The following PLOD2 variants were observed in gnomAD, a reference collection of about 807,000 sequenced individuals.
The protein encoded by PLOD2 is lysine hydroxylase 2.
PLOD2 carries 65 observed loss-of-function variants against 101.0 expected under a neutral mutation model. That is an observed-to-expected ratio of 0.64 (90% confidence interval 0.53 to 0.79). The LOEUF is 0.79. Ranked by LOEUF, PLOD2 falls within the 30% of genes least tolerant of loss-of-function variation. The pLI, the probability that PLOD2 is intolerant of heterozygous loss-of-function variation, is 0.00. For synonymous variants in PLOD2, 314 were observed against 302.9 expected (o/e 1.04, Z -0.38); for missense variants, 909 against 914.6 (o/e 0.99, Z 0.08).
chr3:146,147,162 G>T (rs933871800), intron 1 of PLOD2, among the ~76,000 whole-genome samples: 3 of 152,158 alleles, frequency 2.0e-5, no homozygotes, highest in African/African-American at 7.2e-5. Flanking sequence ...TTATATATTT[G>T]CAGAGAATAC....
intron 12 of PLOD2, among the ~76,000 whole-genome samples, chr3:146,079,501 G>T (rs906429926): frequency 1.3e-5 from 2 of 151,806 alleles, no homozygotes; most frequent in Non-Finnish European, 2.9e-5. Context: ...TATCTGTTTG[G>T]CATTTGTATT....
chr3:146,084,458 T>C (rs1936686721), intron 11 of PLOD2, among the ~76,000 whole-genome samples: 1 of 152,070 alleles, frequency 6.6e-6, no homozygotes, highest in South Asian at 2.1e-4. Context: ...ATAAAAACAA[T>C]CATTCTAACA....
At chr3:146,071,910 C>T (rs574007729) in intron 17 of PLOD2, among the ~76,000 whole-genome samples, 28 of 151,750 alleles carry the variant, frequency 1.8e-4, no homozygotes, top group African/African-American at 6.7e-4. Flanking sequence ...TCATCACCCA[C>T]TAACTTAAGT....
intron 7 of PLOD2, among the ~76,000 whole-genome samples, chr3:146,094,104 T>G (rs1483001909): frequency 6.6e-6 from 1 of 152,176 alleles, no homozygotes; most frequent in African/African-American, 2.4e-5. Context: ...GTTAGGCTGC[T>G]CTGGGCACTC....
At chr3:146,138,612 G>C (rs1228302121) in intron 1 of PLOD2, among the ~76,000 whole-genome samples, 2 of 152,122 alleles carry the variant, frequency 1.3e-5, no homozygotes, top group African/African-American at 2.4e-5. Context: ...AGGACAGCAG[G>C]CATCCAGAAT....
At chr3:146,148,334 G>GCAGGCACACACACACA (rs111340998) in intron 1 of PLOD2, among the ~76,000 whole-genome samples, 22 of 25,536 alleles carry the variant, frequency 8.6e-4, no homozygotes, top group African/African-American at 2.2e-3. Flanking sequence ...AGGCAGGCAG[G>GCAGGCACACACACACA]CACGCACACA....
rs1390837514 is a variant in PLOD2 at position 146,120,128 on chromosome 3, C to T, written c.338+984G>A. Among the ~76,000 whole-genome samples the T allele has an allele frequency of 1.3e-4, 19 of 151,830 alleles. No homozygotes were observed. The East Asian group carries it at 2.1e-3, about 17-fold the overall frequency. On this transcript the variant is annotated intron_variant, in intron 3 of 19. Coordinates refer to ENST00000282903, the MANE Select transcript of PLOD2 (RefSeq NM_182943.3). ...TGTTGTTTCCTGATTTTTTAATGAT[C>T]GCCATTCTAACTCGTGTGAGATGGT...
intron 11 of PLOD2, among the ~76,000 whole-genome samples, chr3:146,082,396 T>C (rs1249419868): frequency 6.6e-6 from 1 of 152,214 alleles, no homozygotes; most frequent in Non-Finnish European, 1.5e-5. Context: ...TACTTAAGTA[T>C]GTTTCCAGTT....
chr3:146,155,664 G>A (rs576406967), intron 1 of PLOD2, among the ~76,000 whole-genome samples: 2 of 146,324 alleles, frequency 1.4e-5, no homozygotes, highest in South Asian at 4.3e-4. Flanking sequence ...GCAGTGAGCC[G>A]AGATCACGCC....
At chr3:146,156,436 G>C (rs560877042) in intron 1 of PLOD2, among the ~76,000 whole-genome samples, 3 of 152,346 alleles carry the variant, frequency 2.0e-5, no homozygotes, top group Admixed American at 2.0e-4. Flanking sequence ...GTAAACAAAT[G>C]AATGTGGCTG....
At position 146,085,263 on chromosome 3, in the gene PLOD2, G is replaced by C; in HGVS notation, c.1138C>G (p.Arg380Gly). Residue 380 changes from arginine (R) to glycine (G), a missense_variant, in exon 11 of 20, where the codon CGT (arginine) becomes GGT (glycine). By Grantham distance (125) the Arg-to-Gly change is moderately radical. Coordinates refer to ENST00000282903, the MANE Select transcript of PLOD2 (RefSeq NM_182943.3). ...TAATAATCACACTTTTCATCCTGAC[G>C]GCAAAAGTCCCTAACAGTGAAAAAG... Reference protein sequence around the residue: ...EARNMGMDFCRQDEKCDYYFS... With the variant: ...EARNMGMDFCGQDEKCDYYFS... 6.3e-7 allele frequency: 1 copy of C among 1,578,784 alleles called. No individual in the cohort carries two copies. The highest frequency in any genetic ancestry group is 8.7e-7 in the Non-Finnish European group (1 of 1,148,424).
intron 3 of PLOD2, among the ~76,000 whole-genome samples, chr3:146,120,396 T>C (rs1268438586): frequency 6.6e-6 from 1 of 152,058 alleles, no homozygotes; most frequent in South Asian, 2.1e-4. Context: ...TGTATGGTGC[T>C]GGGAAAACTG....
chr3:146,100,017 G>A (rs1404027286), intron 7 of PLOD2, among the ~76,000 whole-genome samples: 2 of 151,888 alleles, frequency 1.3e-5, no homozygotes, highest in Non-Finnish European at 2.9e-5. Flanking sequence ...CAGTAGCTGG[G>A]ATTAAAGGCA....
Position 146,161,047 on chromosome 3 carries a change from T to A in PLOD2, c.-58A>T. ...GCCCACGGCCCCGCAGCGCCGCGCT[T>A]CTCGCGAGAACGCAGAGACCCGGGT... is the stretch of plus-strand genomic sequence containing the variant. On this transcript the variant is annotated 5_prime_UTR_variant, in exon 1 of 20. Transcript: ENST00000282903. The A allele has an allele frequency of 8.0e-7, 1 of 1,253,920 alleles. No individual in the cohort carries two copies. Among genetic ancestry groups the A allele is most frequent in the Non-Finnish European group, 1.1e-6 (1 of 880,902 alleles). 77.7% of individuals were successfully genotyped at this position (1,253,920 alleles called of 1,614,324 possible).
intron 7 of PLOD2, among the ~76,000 whole-genome samples, chr3:146,096,961 C>G (rs1463190938): frequency 4.0e-5 from 5 of 124,886 alleles, no homozygotes; most frequent in African/African-American, 9.2e-5. Flanking sequence ...GAAGTGAGGA[C>G]CCCTCTGCCC....
At chr3:146,110,527 A>G in intron 3 of PLOD2, 79 bp from the exon 4 acceptor site, 1 of 1,165,428 alleles carries the variant, frequency 8.6e-7, no homozygotes, top group Non-Finnish European at 1.2e-6. Context: ...GTTCTCTAAC[A>G]AAAGTCAGAA....
intron 7 of PLOD2, among the ~76,000 whole-genome samples, chr3:146,097,389 T>G (rs200134004): frequency 0.75 from 89,834 of 120,198 alleles, 33,254 homozygotes; most frequent in East Asian, 0.81. Context: ...TTGAGAAATC[T>G]GATGGTTGCC....
At chr3:146,133,182 A>T (rs1576619599) in intron 1 of PLOD2, among the ~76,000 whole-genome samples, 1 of 152,180 alleles carries the variant, frequency 6.6e-6, no homozygotes, top group Non-Finnish European at 1.5e-5. Flanking sequence ...TCTCAAAAAA[A>T]TAAAAATAAA....
rs1194400387 is a variant in PLOD2, at chr3:146,134,259, T to C, written c.110-10030A>G. Among the ~76,000 whole-genome samples the C allele has an allele frequency of 2.0e-5, 3 of 152,212 alleles. No homozygotes were observed. The East Asian group carries it at 5.8e-4, about 29-fold the overall frequency. ...CAATATCCAAAATGAAAAGATTATCTTGGAAAAGCAGTATGTTTCCTATCT... is the reference window on the plus strand; with the variant it reads ...CAATATCCAAAATGAAAAGATTATCCTGGAAAAGCAGTATGTTTCCTATCT... On this transcript the variant is annotated intron_variant, in intron 1 of 19. Coordinates refer to ENST00000282903, the MANE Select transcript of PLOD2 (RefSeq NM_182943.3).
Sources: allele counts gnomAD v4.1 joint callset (sites outside exome capture counted in the v4.1 genomes callset), GRCh38; gene constraint gnomAD v4.1.1; transcripts MANE v1.5; gene names NCBI Gene and HGNC (gene_info 2026-07-23, HGNC 2026-07-21).